EPC2: variants seen among roughly 807,000 people sequenced by gnomAD.
EPC2 encodes enhancer of polycomb 2.
Under a neutral mutation model 92.1 loss-of-function variants are expected in EPC2, and 14 were observed. The ratio of observed to expected loss-of-function variants is 0.15; its 90% CI spans 0.10 to 0.24. EPC2 has a LOEUF of 0.24. Ranked by LOEUF, EPC2 falls within the 10% of genes least tolerant of loss-of-function variation. The probability of loss-of-function intolerance (pLI) is 1.00; values close to 1 mark genes in which losing one functional copy is unlikely to be tolerated. For missense variants in EPC2, 755 were observed against 971.5 expected, an observed-to-expected ratio of 0.78 and a Z score of 2.96; for synonymous variants, 340 against 334.7, an observed-to-expected ratio of 1.02 and a Z score of -0.17.
chr2:148,662,341 C>T (rs1332656822), intron 1 of EPC2, among the ~76,000 whole-genome samples: 1 of 152,180 alleles, frequency 6.6e-6, no homozygotes, highest in Non-Finnish European at 1.5e-5. Context: ...GATTATAAAT[C>T]ATGCTGCTAT....
intron 2 of EPC2, among the ~76,000 whole-genome samples, chr2:148,742,005 C>A (rs538104015): frequency 7.9e-5 from 12 of 152,256 alleles, no homozygotes; most frequent in African/African-American, 2.9e-4. Context: ...CTCCCCTTAG[C>A]TTTTTTCATT....
chr2:148,664,981 G>C (rs558693951), intron 1 of EPC2, among the ~76,000 whole-genome samples: 21 of 152,244 alleles, frequency 1.4e-4, no homozygotes, highest in African/African-American at 4.6e-4. Context: ...CATTTAAAAG[G>C]TTTAACTTTA....
intron 1 of EPC2, among the ~76,000 whole-genome samples, chr2:148,663,658 A>T (rs1178060175): frequency 1.7e-5 from 2 of 115,670 alleles, no homozygotes; most frequent in Non-Finnish European, 3.2e-5. Context: ...CTGGATCATC[A>T]CTGGCTTTCT....
intron 1 of EPC2, among the ~76,000 whole-genome samples, chr2:148,674,510 A>C (rs139875174): frequency 6.6e-6 from 1 of 152,094 alleles, no homozygotes; most frequent in African/African-American, 2.4e-5. Context: ...GCTGTTTTCT[A>C]CCTGCTGTGG....
chr2:148,763,375 A>C (rs1683339508), intron 6 of EPC2, among the ~76,000 whole-genome samples: 1 of 152,182 alleles, frequency 6.6e-6, no homozygotes, highest in Non-Finnish European at 1.5e-5. Flanking sequence ...AGATAACTAT[A>C]TTTATTTGGT....
chr2:148,785,800 GTTTT>G (rs1683854846), intron 13 of EPC2, among the ~76,000 whole-genome samples: 1 of 152,080 alleles, frequency 6.6e-6, no homozygotes, highest in South Asian at 2.1e-4. Context: ...ATTTTAGAAT[GTTTT>G]TATATTTCTT....
intron 2 of EPC2, among the ~76,000 whole-genome samples, chr2:148,731,836 A>C (rs1172929584): frequency 1.3e-5 from 2 of 152,258 alleles, no homozygotes; most frequent in African/African-American, 4.8e-5. Flanking sequence ...TAACAAAAAT[A>C]ATCTTTTGAT....
chr2:148,783,712 A>G lies in EPC2; in HGVS notation c.1973A>G (p.Gln658Arg). 5 of 1,593,310 alleles carry G rather than the reference A, an allele frequency of 3.1e-6. No individual in the cohort carries two copies. In the South Asian group the frequency reaches 4.6e-5, roughly 15 times the overall value. Residue 658 changes from glutamine to arginine, a missense_variant, in exon 12 of 14, where the codon CAG becomes CGG. Coordinates refer to ENST00000258484, the MANE Select transcript of EPC2 (RefSeq NM_015630.4). ...AGTCGCAGTGAGGTAGCCAAGGAAC[A>G]GAACACTGGCCACAACAACATAAAC... ...VPSRSEVAKE[Q>R]NTGHNNINGV...
chr2:148,725,717 C>T (rs1682481192), intron 2 of EPC2, among the ~76,000 whole-genome samples: 1 of 152,032 alleles, frequency 6.6e-6, no homozygotes, highest in African/African-American at 2.4e-5. Context: ...AGATTACAAG[C>T]CAATTATTTT....
At chr2:148,749,699 A>G (rs1008835039) in intron 3 of EPC2, among the ~76,000 whole-genome samples, 4 of 152,196 alleles carry the variant, frequency 2.6e-5, no homozygotes, top group African/African-American at 4.8e-5. Context: ...CTATGATGTT[A>G]AAGTATTTGT....
At chr2:148,654,681 AAAAG>A (rs1446801255) in intron 1 of EPC2, among the ~76,000 whole-genome samples, 1 of 152,104 alleles carries the variant, frequency 6.6e-6, no homozygotes, top group Admixed American at 6.6e-5. Flanking sequence ...CAAACAAACA[AAAAG>A]AGAGAGCGCT....
intron 11 of EPC2, among the ~76,000 whole-genome samples, chr2:148,782,018 G>A (rs111454127): frequency 1.3e-5 from 2 of 152,036 alleles, no homozygotes; most frequent in South Asian, 2.1e-4. Context: ...TTTTTGAAGG[G>A]TTGTTGAGAA....
At chr2:148,646,104 G>A (rs1301307279) in intron 1 of EPC2, among the ~76,000 whole-genome samples, 3 of 152,278 alleles carry the variant, frequency 2.0e-5, no homozygotes, top group African/African-American at 7.2e-5. Flanking sequence ...TGTTACTTGC[G>A]TGCGAAGTTC....
At chr2:148,758,704 T>G (rs1683241239) in intron 4 of EPC2, among the ~76,000 whole-genome samples, 1 of 151,964 alleles carries the variant, frequency 6.6e-6, no homozygotes, top group South Asian at 2.1e-4. Context: ...CCTAACATAT[T>G]TGTTAATTTA....
At chr2:148,662,673 G>C (rs957149057) in intron 1 of EPC2, among the ~76,000 whole-genome samples, 3 of 152,006 alleles carry the variant, frequency 2.0e-5, no homozygotes, top group South Asian at 2.1e-4. Flanking sequence ...GTTGTGGGGT[G>C]GGGGGAGGCG....
Position 148,690,199 on chromosome 2 carries a change from C to T in EPC2, c.154-15C>T. Reference sequence around the variant, plus strand: ...TTACTAAAACAACTTATGTTGCCTACTTTACATTTTCCAGGAACATCATTT... The same window carrying T: ...TTACTAAAACAACTTATGTTGCCTATTTTACATTTTCCAGGAACATCATTT... On this transcript the variant is annotated splice_polypyrimidine_tract_variant and intron_variant, in intron 1 of 13. Coordinates refer to ENST00000258484, the MANE Select transcript of EPC2 (RefSeq NM_015630.4). The T allele has an allele frequency of 6.3e-7, 1 of 1,579,812 alleles. No individual in the cohort carries two copies. Among genetic ancestry groups the T allele is most frequent in the Non-Finnish European group, 8.6e-7 (1 of 1,167,966 alleles).
intron 2 of EPC2, among the ~76,000 whole-genome samples, chr2:148,737,569 G>C (rs762573625): frequency 6.6e-6 from 1 of 152,006 alleles, no homozygotes; most frequent in African/African-American, 2.4e-5. Context: ...TGCCCTCAGC[G>C]TGCCTAGTGC....
intron 13 of EPC2, among the ~76,000 whole-genome samples, chr2:148,785,314 T>A (rs80065735): frequency 0.026 from 3,985 of 152,088 alleles, 90 homozygotes; most frequent in Non-Finnish European, 0.037. Flanking sequence ...GAAGCTTCAG[T>A]TACTCTTCCC....
rs1490964060 is a variant in EPC2 at position 148,645,077 on chromosome 2, C to T, written c.60C>T (p.Tyr20=). 1.9e-6 allele frequency: 3 copies of T among 1,587,598 alleles called. No homozygotes were observed. Among genetic ancestry groups the T allele is most frequent in the Admixed American group, 1.8e-5 (1 of 56,560 alleles). Residue 20 remains tyrosine, a synonymous_variant, in exon 1 of 14, where the codon TAC becomes TAT. Transcript: ENST00000258484. ...ALDAAKPLPI[Y]RGKDMPDLND... is the part of the protein sequence containing the mutation. ...ACGCCGCCAAGCCGCTGCCTATCTACCGCGGCAAGGACATGCCTGATCTCA... is the reference window on the plus strand; with the variant it reads ...ACGCCGCCAAGCCGCTGCCTATCTATCGCGGCAAGGACATGCCTGATCTCA...
Sources: gnomAD v4.1 joint callset for allele counts (sites outside exome capture counted in the v4.1 genomes callset) on GRCh38, gnomAD v4.1.1 for gene constraint, MANE v1.5 for transcripts, NCBI Gene and HGNC (gene_info 2026-07-23, HGNC 2026-07-21) for gene names.